The following ANK1 variants were observed in gnomAD, a reference collection of about 807,000 sequenced individuals.
The protein encoded by ANK1 is ankyrin-1.
ANK1 carries 51 observed loss-of-function variants against 210.4 expected under a neutral mutation model. The observed-to-expected ratio is 0.24, with a 90% CI of 0.19 to 0.31. The LOEUF (loss-of-function observed/expected upper bound fraction) is 0.31, where lower values mean the gene tolerates loss of function less well. ANK1 is among the 10% of genes least tolerant of loss of function. The probability of loss-of-function intolerance (pLI) is 1.00; values close to 1 mark genes in which losing one functional copy is unlikely to be tolerated. For missense variants in ANK1, 2,051 were observed against 2,504.4 expected, an observed-to-expected ratio of 0.82 and a Z score of 3.86; for synonymous variants, 967 against 1,025.9, an observed-to-expected ratio of 0.94 and a Z score of 1.10.
chr8:41,708,716 T>A, intron 17 of ANK1, 62 bp downstream of exon 17: 1 of 1,582,170 alleles, frequency 6.3e-7, no homozygotes, highest in Admixed American at 1.7e-5. Context: ...AGATGCTCAA[T>A]ATGAAGACAC....
At position 41,725,352 on chromosome 8, in the gene ANK1, G is replaced by A. The variant is rs143200543; in HGVS notation, c.612+409C>T. ...CGAACACCGGAGAGCGTGCCCAGGT[G>A]CACGCAGGCGTGCAAGGTCCCGGAC... On this transcript the variant is annotated intron_variant, in intron 6 of 42. Coordinates refer to ENST00000289734, the MANE Select transcript of ANK1 (RefSeq NM_000037.4). 5.9e-5 allele frequency among the ~76,000 whole-genome samples: 9 copies of A among 152,352 alleles called. No individual in the cohort carries two copies. The East Asian group carries it at 1.7e-3, about 29-fold the overall frequency.
At position 41,704,567 on chromosome 8, in the gene ANK1, CAGGG is replaced by C. The variant is rs1193874958; in HGVS notation, c.2098-99_2098-96del. On this transcript the variant is annotated intron_variant, in intron 18 of 42. Transcript: ENST00000289734. The surrounding 1 kb of genome is among the most constrained non-coding windows in gnomAD (Gnocchi z 4.1). ...GCAGCTGATTCAAAGAGAGAACGGA[CAGGG>C]AGCCCCTTGAAGGCTGACATTGACA... 1.8e-6 allele frequency: 2 copies of C among 1,099,422 alleles called. No homozygotes were observed. 68.1% of individuals were successfully genotyped at this position (1,099,422 alleles called of 1,614,324 possible).
intron 16 of ANK1, among the ~76,000 whole-genome samples, 171 bp downstream of exon 16, chr8:41,713,985 C>T (rs754550048): frequency 6.6e-6 from 1 of 152,170 alleles, no homozygotes; most frequent in South Asian, 2.1e-4. Flanking sequence ...CCCTGAATAG[C>T]GTGATTACAG....
chr8:41,675,759 C>A (rs1415989469), intron 37 of ANK1, among the ~76,000 whole-genome samples: 5 of 152,178 alleles, frequency 3.3e-5, no homozygotes, highest in Admixed American at 6.5e-5. Context: ...CTGCCCTTTC[C>A]CCCTCTGCCA....
intron 1 of ANK1, chr8:41,829,377 C>G (rs1035263962): frequency 7.9e-5 from 12 of 152,228 alleles, no homozygotes; most frequent in African/African-American, 2.9e-4. Context: ...GGGGCACATG[C>G]CCATCGCAAC....
chr8:41,829,816 G>A (rs147229676), intron 1 of ANK1: 6,052 of 151,420 alleles, frequency 0.04, 215 homozygotes, highest in African/African-American at 0.095. Context: ...GGCGCCTGTA[G>A]TCCCAGCTAC....
rs1829737959 is a variant in ANK1, at chr8:41,723,292, T to A, written c.811-69A>T. The A allele has an allele frequency of 2.6e-6, 4 of 1,513,910 alleles. No individual in the cohort carries two copies. The Admixed American group carries it at 6.7e-5, about 25-fold the overall frequency. 93.8% of individuals were successfully genotyped at this position (1,513,910 alleles called of 1,614,324 possible). ...ATCAGAGGCCATTTGGAGAGAAGAC[T>A]GCCTATGGCATCATCCCAGCCCACG... is the stretch of plus-strand genomic sequence containing the variant. On this transcript the variant is annotated intron_variant, in intron 8 of 42. Coordinates refer to ENST00000289734, the MANE Select transcript of ANK1 (RefSeq NM_000037.4).
Position 41,661,431 on chromosome 8 carries a change from T to A in ANK1, c.*35A>T, listed in dbSNP as rs1331902372. On this transcript the variant is annotated splice_region_variant and 3_prime_UTR_variant, in exon 42 of 43. Coordinates refer to ENST00000289734, the MANE Select transcript of ANK1 (RefSeq NM_000037.4). ...AGGGGATGAGAAGGGCAGCGTTACC[T>A]CCCGAGAGGCTACTCCAAGGAGAGC... 4.3e-6 allele frequency: 7 copies of A among 1,613,900 alleles called. No individual in the cohort carries two copies. Among genetic ancestry groups the A allele is most frequent in the Non-Finnish European group, 5.9e-6 (7 of 1,180,004 alleles).
chr8:41,689,482 GAA>G (rs1818672476), intron 33 of ANK1, among the ~76,000 whole-genome samples: 1 of 152,086 alleles, frequency 6.6e-6, no homozygotes, highest in Non-Finnish European at 1.5e-5. Flanking sequence ...TGCCCAAAAA[GAA>G]AAGAGAGATT....
Position 41,668,375 on chromosome 8 carries a change from C to A in ANK1, c.5286G>T (p.Trp1762Cys). 1 of 1,614,200 alleles carries A rather than the reference C, an allele frequency of 6.2e-7. No homozygotes were observed. Among genetic ancestry groups the A allele is most frequent in the Non-Finnish European group, 8.5e-7 (1 of 1,180,036 alleles). ...KVLVSVSEHT[W>C]TEQPEAESSQ... ...AGCTCTCAGCCTCGGGCTGTTCTGTCCACGTGTGCTCACTTACAGACACCA... is the reference window on the plus strand; with the variant it reads ...AGCTCTCAGCCTCGGGCTGTTCTGTACACGTGTGCTCACTTACAGACACCA... The change falls in exon 39 of 43, where the codon TGG (tryptophan) becomes TGT (cysteine). Residue 1762 changes from tryptophan (W) to cysteine (C), a missense_variant. By Grantham distance (215) the Trp-to-Cys change is radical (BLOSUM62 -2). Transcript: ENST00000289734.
At chr8:41,690,095 T>C (rs1416376592) in intron 33 of ANK1, 132 bp downstream of exon 33, 1 of 1,437,018 alleles carries the variant, frequency 7.0e-7, no homozygotes, top group East Asian at 2.3e-5. Context: ...CTCAGCACCT[T>C]TGCATGCCTC....
upstream of ANK1, among the ~76,000 whole-genome samples, chr8:41,801,405 T>G (rs1579274): frequency 0.79 from 120,832 of 152,220 alleles, 49,031 homozygotes; most frequent in African/African-American, 0.9. Flanking sequence ...TTACTGAGTT[T>G]TACCGTACAT....
At chr8:41,799,519 A>G (rs563103223), upstream of ANK1, among the ~76,000 whole-genome samples, 13 of 152,346 alleles carry the variant, frequency 8.5e-5, no homozygotes, top group South Asian at 2.5e-3. Flanking sequence ...TCCCACACTC[A>G]GAAGAGAGAA....
intron 17 of ANK1, 64 bp downstream of exon 17, chr8:41,708,714 A>G: frequency 1.9e-6 from 3 of 1,575,016 alleles, no homozygotes; most frequent in Non-Finnish European, 2.6e-6. Context: ...ATAGATGCTC[A>G]ATATGAAGAC....
At chr8:41,726,056 G>A (rs1427187586) in intron 5 of ANK1, 110 bp from the exon 6 acceptor site, 5 of 1,255,252 alleles carry the variant, frequency 4.0e-6, no homozygotes, top group Non-Finnish European at 5.6e-6. Context: ...CCCAGCCTGA[G>A]GGACCTACCT....
intron 1 of ANK1, among the ~76,000 whole-genome samples, chr8:41,859,883 C>T (rs537071174): frequency 3.3e-5 from 5 of 152,362 alleles, no homozygotes; most frequent in African/African-American, 1.2e-4. Flanking sequence ...TGGCCCCAAC[C>T]AGCTGGAAGA....
chr8:41,758,000 C>A, intron 2 of ANK1, 36 bp downstream of exon 2: 1 of 1,572,420 alleles, frequency 6.4e-7, no homozygotes, highest in South Asian at 1.1e-5. Context: ...AAGAGCTACT[C>A]TTCAGAGACA....
At chr8:41,873,845 G>A (rs1199690738) in intron 1 of ANK1, among the ~76,000 whole-genome samples, 5 of 152,214 alleles carry the variant, frequency 3.3e-5, no homozygotes, top group African/African-American at 1.2e-4. Context: ...CTGGTCACCA[G>A]CATGACTGCC....
chr8:41,717,045 C>T lies in ANK1; in HGVS notation c.1312G>A (p.Glu438Lys). Residue 438 changes from glutamate to lysine, a missense_variant, in exon 13 of 43, where the codon GAG becomes AAG. This residue lies in a region of ANK1 where 1,413 missense variants were observed against 1,707.4 expected (regional missense o/e 0.83). Coordinates refer to ENST00000289734, the MANE Select transcript of ANK1 (RefSeq NM_000037.4). ...CTGGCTGCCATGTGTAGCGGGGTCT[C>T]CACTTTCTATAAAATAACAAAATTA... is the stretch of plus-strand genomic sequence containing the variant. ...ASPNVSNVKVETPLHMAARAG... is the reference protein window; with the variant it reads ...ASPNVSNVKVKTPLHMAARAG... 3.7e-6 allele frequency: 6 copies of T among 1,614,212 alleles called. No homozygotes were observed. Among genetic ancestry groups the T allele is most frequent in the Non-Finnish European group, 5.1e-6 (6 of 1,180,036 alleles).
Sources: gnomAD v4.1 joint callset for allele counts (sites outside exome capture counted in the v4.1 genomes callset) on GRCh38, gnomAD v4.1.1 for gene constraint, gnomAD v4.1.1 regional missense constraint, Gnocchi (gnomAD v3.1) non-coding constraint, MANE v1.5 for transcripts, NCBI Gene and HGNC (gene_info 2026-07-23, HGNC 2026-07-21) for gene names.